Variants in CHD1L observed in about 807,000 individuals in gnomAD.
CHD1L encodes the protein chromodomain helicase DNA binding protein 1 like.
CHD1L carries 118 observed loss-of-function variants against 115.9 expected under a neutral mutation model. The observed-to-expected ratio is 1.02, with a 90% confidence interval of 0.88 to 1.19. CHD1L has a LOEUF of 1.19. CHD1L is among the 50% of genes most tolerant of loss of function. The probability of loss-of-function intolerance (pLI) is 0.00; values close to 1 mark genes in which losing one functional copy is unlikely to be tolerated. For synonymous variants in CHD1L, 411 were observed against 387.1 expected, an observed-to-expected ratio of 1.06 and a Z score of -0.72; for missense variants, 1,179 against 1,065.3, an observed-to-expected ratio of 1.11 and a Z score of -1.49.
chr1:147,227,067 G>A, the CHD1L span, among the ~76,000 whole-genome samples: 1 of 152,142 alleles, frequency 6.6e-6, no homozygotes, highest in Non-Finnish European at 1.5e-5. Flanking sequence ...GGGCTCAAGT[G>A]ATCCACCTGC....
chr1:147,293,777 TACG>T (rs1319351970), intron 21 of CHD1L, 55 bp downstream of exon 21: 11 of 1,435,974 alleles, frequency 7.7e-6, no homozygotes, highest in Non-Finnish European at 9.8e-6. Context: ...AGGCATGTGA[TACG>T]ACTTTTGAAG....
At chr1:147,177,108 C>T in the CHD1L span, among the ~76,000 whole-genome samples, 9 of 151,770 alleles carry the variant, frequency 5.9e-5, no homozygotes, top group African/African-American at 2.2e-4. Context: ...CAAAGGGAAC[C>T]AGAGCCCTTG....
chr1:147,249,820 C>T (rs1553935507), intron 1 of CHD1L, among the ~76,000 whole-genome samples: 1 of 152,138 alleles, frequency 6.6e-6, no homozygotes, highest in Non-Finnish European at 1.5e-5. Flanking sequence ...TCCTCCTTCA[C>T]CTGTTTTTAT....
At chr1:147,214,268 A>AT in the CHD1L span, among the ~76,000 whole-genome samples, 1 of 152,028 alleles carries the variant, frequency 6.6e-6, no homozygotes, top group African/African-American at 2.4e-5. Flanking sequence ...CCTGGCCAAC[A>AT]TGGCGAAACC....
intron 14 of CHD1L, among the ~76,000 whole-genome samples, chr1:147,278,470 ACCTCGGCCT>A (rs1679495979): frequency 6.7e-6 from 1 of 149,320 alleles, no homozygotes; most frequent in Non-Finnish European, 1.5e-5. Context: ...TGATCCGTCC[ACCTCGGCCT>A]CCTAAAGTGC....
Position 147,275,378 on chromosome 1 carries a change from C to T in CHD1L, c.1295C>T (p.Ala432Val), listed in dbSNP as rs201462674. Reference sequence around the variant, plus strand: ...GGTGGAGTTGGCATGAACTTAACAGCAGCAGATACTGTGATTTTTGTTGAC... The same window carrying T: ...GGTGGAGTTGGCATGAACTTAACAGTAGCAGATACTGTGATTTTTGTTGAC... ...RAGGVGMNLT[A>V]ADTVIFVDSD... Residue 432 changes from alanine to valine, a missense_variant, in exon 13 of 23, where the codon GCA becomes GTA. Transcript: ENST00000369258. 1.9e-6 allele frequency: 3 copies of T among 1,614,018 alleles called. No individual in the cohort carries two copies. The African/African-American group carries it at 4.0e-5, about 22-fold the overall frequency.
chr1:147,247,836 T>G (rs1667099202), intron 1 of CHD1L, among the ~76,000 whole-genome samples: 1 of 152,112 alleles, frequency 6.6e-6, no homozygotes, highest in Admixed American at 6.5e-5. Flanking sequence ...TCCTCCAACT[T>G]CAAAGCCAGA....
At chr1:147,213,334 G>A in the CHD1L span, 3 of 1,612,012 alleles carry the variant, frequency 1.9e-6, no homozygotes, top group African/African-American at 4.0e-5. Context: ...AGGTAGATGA[G>A]CATTGGTGTG....
At position 147,261,413 on chromosome 1, in the gene CHD1L, T is replaced by TTA. The variant is rs375382138; in HGVS notation, c.576+1495_576+1496insTA. 7.8e-4 allele frequency among the ~76,000 whole-genome samples: 72 copies of TTA among 92,694 alleles called. 1 individual carries two copies. Among genetic ancestry groups the TTA allele is most frequent in the South Asian group, 3.7e-3 (10 of 2,734 alleles). 60.8% of individuals were successfully genotyped at this position (92,694 alleles called of 152,430 possible). On this transcript the variant is annotated intron_variant, in intron 6 of 22. Coordinates refer to ENST00000369258, the MANE Select transcript of CHD1L (RefSeq NM_004284.6). The stretch of plus-strand genomic sequence containing the variant: ...ATGCTGCATGACACTTTTTTTTTTT[T>TTA]ATATATAAAGGCCTTAATCTTATTC...
the CHD1L span, chr1:147,201,348 GGCAAAGATAACA>G: frequency 6.2e-7 from 1 of 1,614,156 alleles, no homozygotes. Context: ...TATAGCCTGT[GGCAAAGATAACA>G]GCATCAATGT....
At chr1:147,194,241 G>A in the CHD1L span, among the ~76,000 whole-genome samples, 3 of 152,138 alleles carry the variant, frequency 2.0e-5, no homozygotes, top group Admixed American at 6.5e-5. Context: ...TTGTTGAATT[G>A]ATCCCTTTAC....
the CHD1L span, chr1:147,225,342 C>T: frequency 2.9e-6 from 1 of 345,602 alleles, no homozygotes; most frequent in Non-Finnish European, 5.2e-6. Flanking sequence ...GGAGACTCAA[C>T]AGGCGGCTGT....
At chr1:147,179,458 G>A in the CHD1L span, 8 of 1,586,630 alleles carry the variant, frequency 5.0e-6, no homozygotes, top group South Asian at 6.6e-5. Context: ...TGAAGTCAGA[G>A]TTTTCCTACC....
At chr1:147,203,919 G>A in the CHD1L span, 3 of 1,523,986 alleles carry the variant, frequency 2.0e-6, no homozygotes, top group Non-Finnish European at 2.7e-6. Context: ...TCAAGGACAG[G>A]AGGTGTCAAT....
chr1:147,215,396 T>C, the CHD1L span: 1 of 183,882 alleles, frequency 5.4e-6, no homozygotes, highest in South Asian at 1.4e-4. Flanking sequence ...TAAGCAGTAA[T>C]GGACAAGTTG....
the CHD1L span, among the ~76,000 whole-genome samples, chr1:147,219,610 A>G: frequency 6.6e-6 from 1 of 152,150 alleles, no homozygotes; most frequent in Non-Finnish European, 1.5e-5. Context: ...CCTATGGAAC[A>G]TTGCACTAGA....
the CHD1L span, among the ~76,000 whole-genome samples, chr1:147,213,799 C>T: frequency 6.6e-6 from 1 of 152,128 alleles, no homozygotes; most frequent in Non-Finnish European, 1.5e-5. Context: ...TATGACACTC[C>T]ATGCACTAAA....
At chr1:147,257,093 C>T (rs1039522711) in intron 5 of CHD1L, among the ~76,000 whole-genome samples, 4 of 152,066 alleles carry the variant, frequency 2.6e-5, no homozygotes, top group African/African-American at 9.7e-5. Context: ...TCAGCAATAC[C>T]ACCTAATAAT....
At chr1:147,227,777 G>A in the CHD1L span, among the ~76,000 whole-genome samples, 1 of 152,224 alleles carries the variant, frequency 6.6e-6, no homozygotes, top group African/African-American at 2.4e-5. Context: ...GGTTTGCAGA[G>A]TTTCTGCAAA....
Sources: gnomAD v4.1 joint callset for allele counts (sites outside exome capture counted in the v4.1 genomes callset) on GRCh38, gnomAD v4.1.1 for gene constraint, MANE v1.5 for transcripts, NCBI Gene and HGNC (gene_info 2026-07-23, HGNC 2026-07-21) for gene names.